The following CNPY1 variants were observed in gnomAD, a reference collection of about 807,000 sequenced individuals.
CNPY1 encodes canopy FGF signaling regulator 1, also known as protein canopy homolog 1.
In CNPY1, 14 loss-of-function variants were observed where a neutral mutation model predicts 14.4. The ratio of observed to expected loss-of-function variants is 0.97; its 90% CI spans 0.64 to 1.52. The LOEUF (loss-of-function observed/expected upper bound fraction) is 1.52. CNPY1 is among the 40% of genes most tolerant of loss of function. The probability of loss-of-function intolerance (pLI) is 0.00; values close to 1 mark genes in which losing one functional copy is unlikely to be tolerated. For missense variants in CNPY1, 129 were observed against 131.5 expected, an observed-to-expected ratio of 0.98 and a Z score of 0.09; for synonymous variants, 43 against 46.5, an observed-to-expected ratio of 0.92 and a Z score of 0.31.
chr7:155,518,190 GC>G lies in CNPY1; in HGVS notation c.100-9094del, dbSNP rs573043084. On this transcript the variant is annotated intron_variant, in intron 2 of 4. Transcript: ENST00000636446. ...TGCTCAAAGGGTGGTCCTTGGGCCAGCAGCATGGCTTCCGTGGGAGCTCATC... is the reference window on the plus strand; with the variant it reads ...TGCTCAAAGGGTGGTCCTTGGGCCAGAGCATGGCTTCCGTGGGAGCTCATC... Among the ~76,000 whole-genome samples, 134 of 152,368 alleles carry G rather than the reference GC, an allele frequency of 8.8e-4. 1 individual carries two copies. Among genetic ancestry groups the G allele is most frequent in the African/African-American group, 3.1e-3 (131 of 41,588 alleles).
At chr7:155,538,420 C>T (rs368785894) in intron 2 of CNPY1, among the ~76,000 whole-genome samples, 2 of 152,322 alleles carry the variant, frequency 1.3e-5, no homozygotes, top group Non-Finnish European at 2.9e-5. Context: ...CTGGGCTCTC[C>T]GCCTTCACCC....
chr7:155,545,982 G>A (rs1026092479), intron 1 of CNPY1, 39 bp from the exon 2 acceptor site: 17 of 398,450 alleles, frequency 4.3e-5, no homozygotes, highest in Admixed American at 2.2e-4. Flanking sequence ...AGAGGAGGAG[G>A]CGAGCCAGAG....
In CNPY1 at chr7:155,502,899, CATG is replaced by C. The variant is rs1796164056; in HGVS notation, c.*166_*168del. ...ACCTATAAAAAAACGCAGGGTTTGT[CATG>C]ATGTCAACCAACAGATTTTCAAAAT... On this transcript the variant is annotated 3_prime_UTR_variant, in exon 5 of 5. Transcript: ENST00000636446. The C allele has an allele frequency of 3.4e-6, 2 of 590,612 alleles. No individual in the cohort carries two copies. The highest frequency in any genetic ancestry group is 2.8e-5 in the East Asian group (1 of 36,142). The allele number at this position is 590,612 out of a possible 1,614,324, so 36.6% of individuals were successfully genotyped here.
chr7:155,524,421 G>A (rs1429335272), intron 2 of CNPY1, among the ~76,000 whole-genome samples: 1 of 152,246 alleles, frequency 6.6e-6, no homozygotes, highest in Non-Finnish European at 1.5e-5. Context: ...AGGCCAGTGA[G>A]CAAAGCTTCA....
intron 2 of CNPY1, among the ~76,000 whole-genome samples, chr7:155,528,273 C>T (rs538414576): frequency 6.6e-6 from 1 of 152,248 alleles, no homozygotes; most frequent in Non-Finnish European, 1.5e-5. Context: ...GCCTTATCCT[C>T]GCCAGCACTT....
At chr7:155,511,317 A>G (rs1268782815) in intron 2 of CNPY1, among the ~76,000 whole-genome samples, 1 of 152,224 alleles carries the variant, frequency 6.6e-6, no homozygotes, top group Non-Finnish European at 1.5e-5. Flanking sequence ...GGCCACGCTG[A>G]AAACTAATTT....
chr7:155,521,059 G>GAAGGAAGGAAGGAAGGAAGC (rs1796713271), intron 2 of CNPY1, among the ~76,000 whole-genome samples: 1 of 113,640 alleles, frequency 8.8e-6, no homozygotes, highest in Non-Finnish European at 1.7e-5. Flanking sequence ...AAGAAAGAAG[G>GAAGGAAGGAAGGAAGGAAGC]AAGGAAGGAA....
chr7:155,535,917 T>C (rs1011462438), intron 2 of CNPY1, among the ~76,000 whole-genome samples: 6 of 152,338 alleles, frequency 3.9e-5, no homozygotes, highest in Non-Finnish European at 7.4e-5. Context: ...CAACATCTTC[T>C]CATGGGAATC....
chr7:155,537,007 A>T (rs1197648110), intron 2 of CNPY1, among the ~76,000 whole-genome samples: 1 of 152,258 alleles, frequency 6.6e-6, no homozygotes, highest in Non-Finnish European at 1.5e-5. Context: ...AGTCCTAGGG[A>T]TGTAAGGACC....
intron 2 of CNPY1, among the ~76,000 whole-genome samples, chr7:155,526,406 T>G (rs1042409003): frequency 2.9e-4 from 44 of 151,946 alleles, no homozygotes; most frequent in African/African-American, 1.0e-3. Flanking sequence ...CAAGACGGGG[T>G]GCCCAATGCC....
At chr7:155,538,525 G>A (rs1013472973) in intron 2 of CNPY1, among the ~76,000 whole-genome samples, 11 of 151,736 alleles carry the variant, frequency 7.2e-5, no homozygotes, top group African/African-American at 9.7e-5. Context: ...CCCTCCTCAC[G>A]TGCCCAGGAC....
rs1000404640 is a variant in CNPY1 at position 155,508,934 on chromosome 7, A to C, written c.263T>G (p.Leu88Trp). 6.2e-7 allele frequency: 1 copy of C among 1,613,450 alleles called. No homozygotes were observed. The highest frequency in any genetic ancestry group is 8.5e-7 in the Non-Finnish European group (1 of 1,179,760). The change falls in exon 3 of 5, where the codon TTG (leucine) becomes TGG (tryptophan). Residue 88 changes from leucine (L) to tryptophan (W), a missense_variant. By Grantham distance (61) the Leu-to-Trp change is moderately conservative (BLOSUM62 -2). Transcript: ENST00000636446. ...TCTGTAAGCATCAGAATAAAAATAC[A>C]ATTTTTTAAATTCTTGGTATATTTT... Reference protein sequence around the residue: ...GDKIYQEFKKLYFYSDAYRPL... With the variant: ...GDKIYQEFKKWYFYSDAYRPL...
At chr7:155,507,356 G>A (rs1291009691) in intron 3 of CNPY1, among the ~76,000 whole-genome samples, 1 of 151,452 alleles carries the variant, frequency 6.6e-6, no homozygotes, top group Non-Finnish European at 1.5e-5. Context: ...GAAGACATGG[G>A]AGCCTGAGGA....
At chr7:155,535,115 AAAC>A (rs2116750111) in intron 2 of CNPY1, among the ~76,000 whole-genome samples, 1 of 152,342 alleles carries the variant, frequency 6.6e-6, no homozygotes, top group Non-Finnish European at 1.5e-5. Context: ...GCTCAAAAAC[AAAC>A]AAGTGGCAAA....
At chr7:155,508,010 A>C (rs6459706) in intron 3 of CNPY1, among the ~76,000 whole-genome samples, 1 of 152,284 alleles carries the variant, frequency 6.6e-6, no homozygotes, top group African/African-American at 2.4e-5. Context: ...CTTATTCTGT[A>C]GTACTTTTAA....
chr7:155,520,589 T>G (rs1054945298), intron 2 of CNPY1, among the ~76,000 whole-genome samples: 4 of 152,040 alleles, frequency 2.6e-5, no homozygotes, highest in Admixed American at 6.5e-5. Context: ...AGCAGTTGTC[T>G]CTTTTAAGTC....
chr7:155,528,769 A>C (rs984653934), intron 2 of CNPY1, among the ~76,000 whole-genome samples: 2 of 152,146 alleles, frequency 1.3e-5, no homozygotes, highest in Non-Finnish European at 2.9e-5. Flanking sequence ...CCTAAGAAAA[A>C]ACAACTTTGG....
At chr7:155,537,140 T>C (rs549447987) in intron 2 of CNPY1, among the ~76,000 whole-genome samples, 13 of 152,102 alleles carry the variant, frequency 8.5e-5, no homozygotes, top group East Asian at 3.9e-4. Context: ...GTCCTCTAGA[T>C]GGTTGAGAGA....
intron 2 of CNPY1, among the ~76,000 whole-genome samples, chr7:155,516,026 C>G (rs542428499): frequency 6.6e-6 from 1 of 151,854 alleles, no homozygotes; most frequent in South Asian, 2.1e-4. Context: ...TGTCCCCCCT[C>G]CTCTTTTACA....
Sources: gnomAD v4.1 joint callset for allele counts (sites outside exome capture counted in the v4.1 genomes callset) on GRCh38, gnomAD v4.1.1 for gene constraint, MANE v1.5 for transcripts, NCBI Gene and HGNC (gene_info 2026-07-23, HGNC 2026-07-21) for gene names.